Variants in GPC3 observed in about 807,000 individuals in gnomAD.
The protein encoded by GPC3 is glypican 3, also known as glypican-3.
GPC3 carries 3 observed loss-of-function variants against 34.4 expected under a neutral mutation model. The observed-to-expected ratio is 0.09, with a 90% CI of 0.04 to 0.23. The LOEUF (loss-of-function observed/expected upper bound fraction) is 0.23, where lower values mean the gene tolerates loss of function less well. Ranked by LOEUF, GPC3 falls within the 10% of genes least tolerant of loss-of-function variation. GPC3 has a pLI of 1.00. For synonymous variants in GPC3, 177 were observed against 174.0 expected, an observed-to-expected ratio of 1.02 and a Z score of -0.13; for missense variants, 351 against 445.6, an observed-to-expected ratio of 0.79 and a Z score of 1.91.
At chrX:133,578,910 T>C (rs1454720137) in intron 7 of GPC3, among the ~76,000 whole-genome samples, 4 of 109,907 alleles carry the variant, frequency 3.6e-5, no homozygotes, top group Non-Finnish European at 5.7e-5. Context: ...TAATGGCCCA[T>C]ATGTTGTGAA....
intron 5 of GPC3, among the ~76,000 whole-genome samples, chrX:133,687,154 G>A (rs2071015663): frequency 1.1e-5 from 1 of 91,247 alleles, no homozygotes; most frequent in Non-Finnish European, 2.1e-5. Context: ...GTGTTAGCCA[G>A]GATGGTCTCG....
intron 3 of GPC3, among the ~76,000 whole-genome samples, chrX:133,703,820 C>A (rs1001106974): frequency 8.9e-6 from 1 of 111,771 alleles, no homozygotes; most frequent in African/African-American, 3.3e-5. Context: ...AAGCACCGTC[C>A]TTGTACCTAC....
intron 2 of GPC3, among the ~76,000 whole-genome samples, chrX:133,803,216 C>T (rs1160525055): frequency 1.8e-5 from 2 of 112,243 alleles, no homozygotes; most frequent in Non-Finnish European, 3.8e-5. Flanking sequence ...TGAGCCAGTG[C>T]GCCCGGTAAC....
At chrX:133,984,839 G>C (rs913192542) in intron 1 of GPC3, among the ~76,000 whole-genome samples, 2 of 108,455 alleles carry the variant, frequency 1.8e-5, no homozygotes, top group African/African-American at 6.7e-5. Context: ...GTGGGGGTAC[G>C]TTGGGGAAGG....
At chrX:133,893,813 G>A (rs1391528813) in intron 2 of GPC3, among the ~76,000 whole-genome samples, 2 of 111,618 alleles carry the variant, frequency 1.8e-5, no homozygotes, top group East Asian at 2.8e-4. Flanking sequence ...TAATATGCCT[G>A]ATCAAAAGTG....
chrX:133,852,971 C>T (rs1454784205), intron 2 of GPC3, among the ~76,000 whole-genome samples: 3 of 53,480 alleles, frequency 5.6e-5, no homozygotes, highest in African/African-American at 2.2e-4. Context: ...ATTTGACGTG[C>T]AATTTTTAAA....
At chrX:133,822,054 C>G (rs1403389868) in intron 2 of GPC3, among the ~76,000 whole-genome samples, 1 of 111,977 alleles carries the variant, frequency 8.9e-6, no homozygotes, top group Non-Finnish European at 1.9e-5. Flanking sequence ...TTCCTGCAGT[C>G]AACCACAATC....
intron 6 of GPC3, among the ~76,000 whole-genome samples, chrX:133,608,640 T>C (rs1471339575): frequency 8.9e-6 from 1 of 111,903 alleles, no homozygotes; most frequent in African/African-American, 3.2e-5. Flanking sequence ...CATCAAGCAT[T>C]GGGCTTGAAG....
chrX:133,735,406 C>T (rs2071501402), intron 3 of GPC3, among the ~76,000 whole-genome samples: 1 of 111,396 alleles, frequency 9.0e-6, no homozygotes, highest in Non-Finnish European at 1.9e-5. Context: ...AGGATATCCA[C>T]ATATAGAAGA....
chrX:133,955,334 A>C (rs1377482896), intron 1 of GPC3, among the ~76,000 whole-genome samples: 1 of 111,176 alleles, frequency 9.0e-6, no homozygotes, highest in Admixed American at 9.6e-5. Flanking sequence ...CTGCAGTCTA[A>C]GATTCCTCCT....
At chrX:133,572,754 C>T (rs957354237) in intron 7 of GPC3, among the ~76,000 whole-genome samples, 2 of 111,405 alleles carry the variant, frequency 1.8e-5, no homozygotes, top group African/African-American at 6.5e-5. Flanking sequence ...CATGAACTAC[C>T]AAAACTGACT....
intron 3 of GPC3, among the ~76,000 whole-genome samples, chrX:133,712,379 A>G (rs2071276940): frequency 8.9e-6 from 1 of 112,262 alleles, no homozygotes; most frequent in African/African-American, 3.2e-5. Context: ...TGTAAGTTAA[A>G]TTGTAGAGTC....
chrX:133,743,318 G>A (rs1305095832), intron 3 of GPC3, among the ~76,000 whole-genome samples: 1 of 112,780 alleles, frequency 8.9e-6, no homozygotes, highest in African/African-American at 3.2e-5. Context: ...CACCTCCCTT[G>A]AGGAAATTAC....
At position 133,886,870 on chromosome X, in the gene GPC3, C is replaced by G. The variant is rs72615421; in HGVS notation, c.337+66180G>C. Among the ~76,000 whole-genome samples, 253 of 112,758 alleles carry G rather than the reference C, an allele frequency of 2.2e-3. 6 individuals carry two copies. In the East Asian group the frequency reaches 0.061, roughly 27 times the overall value. On this transcript the variant is annotated intron_variant, in intron 2 of 7. Transcript: ENST00000370818. The stretch of plus-strand genomic sequence containing the variant: ...CTGCTGATGGATATTTAGGTCGATT[C>G]CATATCCTGGCTTTTGTGAATAATG...
chrX:133,777,924 T>C (rs2072004272), intron 2 of GPC3, among the ~76,000 whole-genome samples: 1 of 112,266 alleles, frequency 8.9e-6, no homozygotes, highest in African/African-American at 3.2e-5. Context: ...CCCGGTCTTT[T>C]GTTCTTTCCA....
intron 7 of GPC3, among the ~76,000 whole-genome samples, chrX:133,551,351 G>A (rs2069431689): frequency 8.9e-6 from 1 of 112,140 alleles, no homozygotes. Context: ...GCAGAGGGCT[G>A]CAGGATGCTT....
intron 2 of GPC3, among the ~76,000 whole-genome samples, chrX:133,869,276 A>G (rs1022196720): frequency 8.9e-6 from 1 of 112,175 alleles, no homozygotes; most frequent in Non-Finnish European, 1.9e-5. Context: ...GTTGCTCACA[A>G]AAAGAGTCAT....
intron 2 of GPC3, among the ~76,000 whole-genome samples, chrX:133,858,560 C>T (rs1292014230): frequency 9.0e-6 from 1 of 111,506 alleles, no homozygotes; most frequent in Non-Finnish European, 1.9e-5. Context: ...ATTTCTGCCA[C>T]TCTTGCATTT....
chrX:133,572,192 T>G (rs2069639664), intron 7 of GPC3, among the ~76,000 whole-genome samples: 1 of 111,649 alleles, frequency 9.0e-6, no homozygotes, highest in Non-Finnish European at 1.9e-5. Context: ...AGAAAACTAT[T>G]TGAGAAGTTC....
Sources: gnomAD v4.1 joint callset for allele counts (sites outside exome capture counted in the v4.1 genomes callset) on GRCh38, gnomAD v4.1.1 for gene constraint, MANE v1.5 for transcripts, NCBI Gene and HGNC (gene_info 2026-07-23, HGNC 2026-07-21) for gene names.